The following RGS6 variants were observed in gnomAD, a reference collection of about 807,000 sequenced individuals.
RGS6 encodes the protein regulator of G-protein signaling 6.
In RGS6, 30 loss-of-function variants were observed where a neutral mutation model predicts 78.5. The observed-to-expected ratio is 0.38, with a 90% confidence interval of 0.29 to 0.52. The LOEUF (loss-of-function observed/expected upper bound fraction) is 0.52, where lower values mean the gene tolerates loss of function less well. Among genes scored for constraint, RGS6 ranks in the 20% least tolerant of loss-of-function variants. RGS6 has a pLI of 0.85. For synonymous variants in RGS6, 206 were observed against 206.0 expected (o/e 1.00, Z 0.00); for missense variants, 495 against 609.7 (o/e 0.81, Z 1.98).
chr14:72,247,531 G>A (rs1160131836), intron 2 of RGS6, among the ~76,000 whole-genome samples: 1 of 152,230 alleles, frequency 6.6e-6, no homozygotes, highest in Non-Finnish European at 1.5e-5. Flanking sequence ...CACAAGGAGA[G>A]ATAGGTGAAA....
chr14:72,468,913 C>A (rs1218022861), intron 7 of RGS6, among the ~76,000 whole-genome samples: 1 of 152,072 alleles, frequency 6.6e-6, no homozygotes, highest in Non-Finnish European at 1.5e-5. Context: ...ACTGAAGCTC[C>A]TTTTATATTA....
chr14:72,422,382 G>A (rs980185091), intron 3 of RGS6, among the ~76,000 whole-genome samples: 1 of 152,106 alleles, frequency 6.6e-6, no homozygotes, highest in African/African-American at 2.4e-5. Context: ...ATATAAAGTA[G>A]TATATTTATT....
intron 3 of RGS6, chr14:72,421,476 A>T (rs1213502068): frequency 6.6e-6 from 1 of 152,226 alleles, no homozygotes; most frequent in African/African-American, 2.4e-5. Flanking sequence ...CTCTAACGTG[A>T]TGCCTTTGGG....
intron 3 of RGS6, among the ~76,000 whole-genome samples, chr14:72,387,369 A>G (rs909062307): frequency 6.6e-6 from 1 of 152,064 alleles, no homozygotes; most frequent in Admixed American, 6.6e-5. Context: ...CTAACACAGC[A>G]AAACCCCATC....
chr14:72,201,910 GA>G lies in RGS6; in HGVS notation c.85-150176del, dbSNP rs929899129. ...AAAATATTTACTTTTTGTATCACAGGAAAAAAAAATTGCCAACCCTTGGTCT... is the reference window on the plus strand; with the variant it reads ...AAAATATTTACTTTTTGTATCACAGGAAAAAAAATTGCCAACCCTTGGTCT... On this transcript the variant is annotated intron_variant, in intron 2 of 17. Coordinates refer to ENST00000553525, the MANE Select transcript of RGS6 (RefSeq NM_001204424.2). Among the ~76,000 whole-genome samples, 20 of 151,304 alleles carry G rather than the reference GA, an allele frequency of 1.3e-4. 1 individual carries two copies. The highest frequency in any genetic ancestry group is 8.4e-4 in the South Asian group (4 of 4,778).
chr14:72,476,940 T>A, intron 11 of RGS6, 100 bp downstream of exon 11: 1 of 1,058,954 alleles, frequency 9.4e-7, no homozygotes, highest in East Asian at 2.5e-5. Context: ...TTTGAGTTCC[T>A]GGAAACCACA....
chr14:72,141,959 A>G (rs138239700), intron 2 of RGS6, among the ~76,000 whole-genome samples: 3 of 151,636 alleles, frequency 2.0e-5, no homozygotes, highest in African/African-American at 4.8e-5. Context: ...GCTTGTATCC[A>G]TTAAATACAT....
chr14:72,219,320 G>C (rs2046331106), intron 2 of RGS6, among the ~76,000 whole-genome samples: 1 of 152,092 alleles, frequency 6.6e-6, no homozygotes, highest in Non-Finnish European at 1.5e-5. Context: ...AGGCAAATTT[G>C]TGAATACAGA....
chr14:71,982,875 T>C (rs3825716), intron 2 of RGS6, among the ~76,000 whole-genome samples: 67,451 of 152,004 alleles, frequency 0.44, 15,398 homozygotes, highest in East Asian at 0.55. Flanking sequence ...TTCTGAAACA[T>C]CTAGTTAGCC....
chr14:71,960,254 C>T (rs952766112), intron 1 of RGS6, among the ~76,000 whole-genome samples: 9 of 152,164 alleles, frequency 5.9e-5, no homozygotes, highest in Admixed American at 2.6e-4. Flanking sequence ...ACTATATTTT[C>T]TTCCCTCACC....
At chr14:72,150,789 A>G (rs1245551420) in intron 2 of RGS6, among the ~76,000 whole-genome samples, 1 of 152,040 alleles carries the variant, frequency 6.6e-6, no homozygotes, top group Non-Finnish European at 1.5e-5. Context: ...ACATTGATCC[A>G]ATCACCTCCT....
chr14:72,446,960 C>A (rs1480300120), intron 3 of RGS6, among the ~76,000 whole-genome samples: 1 of 152,108 alleles, frequency 6.6e-6, no homozygotes, highest in African/African-American at 2.4e-5. Context: ...CCGCCACTCA[C>A]CTCCTGTTGT....
At chr14:71,964,103 C>T (rs534940419) in intron 1 of RGS6, among the ~76,000 whole-genome samples, 98 of 151,812 alleles carry the variant, frequency 6.5e-4, no homozygotes, top group South Asian at 1.7e-3. Flanking sequence ...ATTTTGATTT[C>T]CCTAATAAAA....
At chr14:72,378,093 C>G (rs1248197050) in intron 3 of RGS6, among the ~76,000 whole-genome samples, 1 of 152,092 alleles carries the variant, frequency 6.6e-6, no homozygotes, top group Admixed American at 6.5e-5. Context: ...CAAAAAGTAA[C>G]CTGCTCCTGA....
At chr14:71,891,455 G>A in the RGS6 span, among the ~76,000 whole-genome samples, 1 of 152,210 alleles carries the variant, frequency 6.6e-6, no homozygotes, top group Non-Finnish European at 1.5e-5. Context: ...CTCCAGCAGG[G>A]TGGTCTTAGC....
intron 17 of RGS6, among the ~76,000 whole-genome samples, chr14:72,552,019 ATAT>A (rs768694730): frequency 1.1e-4 from 17 of 152,312 alleles, no homozygotes; most frequent in African/African-American, 3.4e-4. Context: ...CATCATTATG[ATAT>A]TATTTGCAGC....
At chr14:72,234,059 G>A (rs1870534300) in intron 2 of RGS6, among the ~76,000 whole-genome samples, 1 of 152,116 alleles carries the variant, frequency 6.6e-6, no homozygotes, top group Admixed American at 6.5e-5. Flanking sequence ...CCTGGAGATG[G>A]GGAGAGTCAA....
At chr14:72,470,275 A>T (rs2096037174) in intron 8 of RGS6, among the ~76,000 whole-genome samples, 192 bp downstream of exon 8, 1 of 152,228 alleles carries the variant, frequency 6.6e-6, no homozygotes, top group South Asian at 2.1e-4. Flanking sequence ...TCTCTAAAGC[A>T]ATTTCAGAAA....
intron 17 of RGS6, chr14:72,553,450 A>T (rs911237456): frequency 3.9e-5 from 6 of 152,480 alleles, no homozygotes; most frequent in Non-Finnish European, 5.9e-5. Context: ...CTGTTTGTCC[A>T]TGGCATCGTC....
Sources: allele counts gnomAD v4.1 joint callset (sites outside exome capture counted in the v4.1 genomes callset), GRCh38; gene constraint gnomAD v4.1.1; transcripts MANE v1.5; gene names NCBI Gene and HGNC (gene_info 2026-07-23, HGNC 2026-07-21).